The following ADGRL2 variants were observed in gnomAD, a reference collection of about 807,000 sequenced individuals.
The protein encoded by ADGRL2 is adhesion G protein-coupled receptor L2.
ADGRL2 carries 44 observed loss-of-function variants against 157.4 expected under a neutral mutation model. The observed-to-expected ratio is 0.28, with a 90% CI of 0.22 to 0.36. The LOEUF (loss-of-function observed/expected upper bound fraction) is 0.36, where lower values mean the gene tolerates loss of function less well. ADGRL2 is among the 10% of genes least tolerant of loss of function. The pLI, the probability that ADGRL2 is intolerant of heterozygous loss-of-function variation, is 1.00. For missense variants in ADGRL2, 1,510 were observed against 1,768.9 expected, an observed-to-expected ratio of 0.85 and a Z score of 2.63; for synonymous variants, 585 against 624.7, an observed-to-expected ratio of 0.94 and a Z score of 0.95.
In ADGRL2 at chr1:81,902,217, G is replaced by A. The variant is rs537615426; in HGVS notation, c.74-4800G>A. Among the ~76,000 whole-genome samples, 54 of 152,300 alleles carry A rather than the reference G, an allele frequency of 3.5e-4. 1 individual carries two copies. The South Asian group carries it at 0.011, about 30-fold the overall frequency. Reference sequence around the variant, plus strand: ...GTCTGGGTTAAGATAGGGGTTGTGAGGACCAGGGTTCTTATTATGCAGATG... The same window carrying A: ...GTCTGGGTTAAGATAGGGGTTGTGAAGACCAGGGTTCTTATTATGCAGATG... On this transcript the variant is annotated intron_variant, in intron 2 of 23. Transcript: ENST00000686636.
chr1:81,358,799 A>G (rs1010113471), intron 1 of ADGRL2, among the ~76,000 whole-genome samples: 12 of 152,184 alleles, frequency 7.9e-5, no homozygotes, highest in Non-Finnish European at 1.3e-4. Context: ...AAAGCAAGAT[A>G]GTAATTAATC....
At chr1:81,486,701 C>G (rs1361336179) in intron 2 of ADGRL2, among the ~76,000 whole-genome samples, 1 of 152,090 alleles carries the variant, frequency 6.6e-6, no homozygotes, top group Admixed American at 6.5e-5. Context: ...CCACCATGAC[C>G]TTTGTTCATT....
chr1:81,714,114 A>G (rs1373019867), intron 1 of ADGRL2, among the ~76,000 whole-genome samples: 2 of 152,174 alleles, frequency 1.3e-5, no homozygotes, highest in Non-Finnish European at 2.9e-5. Flanking sequence ...GCCTCCTCTG[A>G]TGATTCCATT....
At chr1:81,571,689 C>T (rs2148499207) in intron 2 of ADGRL2, among the ~76,000 whole-genome samples, 1 of 152,014 alleles carries the variant, frequency 6.6e-6, no homozygotes, top group South Asian at 2.1e-4. Context: ...CACATCAAAT[C>T]ATCACTCTAA....
intron 2 of ADGRL2, among the ~76,000 whole-genome samples, chr1:81,496,946 A>T (rs56744020): frequency 0.015 from 2,275 of 151,836 alleles, 32 homozygotes; most frequent in South Asian, 0.037. Flanking sequence ...CTACCTGATT[A>T]TTTTTTTTCT....
chr1:81,626,016 CG>C (rs1390295771), intron 3 of ADGRL2, among the ~76,000 whole-genome samples: 2 of 152,048 alleles, frequency 1.3e-5, no homozygotes, highest in Non-Finnish European at 2.9e-5. Context: ...ATTTTTCCTC[CG>C]CGACACAATA....
chr1:81,919,820 G>A (rs954881675), intron 3 of ADGRL2, among the ~76,000 whole-genome samples: 2 of 152,120 alleles, frequency 1.3e-5, no homozygotes, highest in African/African-American at 4.8e-5. Flanking sequence ...ATGTTAGATA[G>A]ATAAATAGTG....
At chr1:81,511,553 G>A (rs1190991283) in intron 2 of ADGRL2, among the ~76,000 whole-genome samples, 2 of 151,874 alleles carry the variant, frequency 1.3e-5, no homozygotes, top group Non-Finnish European at 2.9e-5. Flanking sequence ...AATAATTATA[G>A]GTAACTTGCA....
intron 1 of ADGRL2, among the ~76,000 whole-genome samples, chr1:81,436,310 G>A (rs2077408500): frequency 6.6e-6 from 1 of 152,042 alleles, no homozygotes; most frequent in Admixed American, 6.5e-5. Context: ...TGTTCTAGAG[G>A]GGACTTACAA....
At chr1:81,989,586 T>TA in intron 23 of ADGRL2, 1 of 1,304,804 alleles carries the variant, frequency 7.7e-7, no homozygotes, top group Non-Finnish European at 1.1e-6. Flanking sequence ...TTGCTCTGAC[T>TA]AAGTTGCTGA....
At chr1:81,400,405 A>C (rs1032266863) in intron 1 of ADGRL2, among the ~76,000 whole-genome samples, 2 of 152,074 alleles carry the variant, frequency 1.3e-5, no homozygotes, top group African/African-American at 4.8e-5. Context: ...CTGTGACTCT[A>C]AGGCACTGCC....
chr1:81,845,387 A>G (rs1304659160), intron 2 of ADGRL2, among the ~76,000 whole-genome samples: 1 of 152,002 alleles, frequency 6.6e-6, no homozygotes, highest in African/African-American at 2.4e-5. Context: ...TGTACTGGAG[A>G]TATAGACATC....
chr1:81,480,055 G>A (rs1394796257), intron 2 of ADGRL2, among the ~76,000 whole-genome samples: 1 of 152,140 alleles, frequency 6.6e-6, no homozygotes, highest in East Asian at 1.9e-4. Flanking sequence ...CATAGCTGAT[G>A]ATAGAAGAGG....
chr1:81,651,632 C>T (rs1233036336), intron 3 of ADGRL2, among the ~76,000 whole-genome samples: 1 of 152,130 alleles, frequency 6.6e-6, no homozygotes, highest in African/African-American at 2.4e-5. Context: ...ATCCTTTAGA[C>T]CTAGAGGAGG....
chr1:81,343,489 T>C (rs1308991935), intron 1 of ADGRL2, among the ~76,000 whole-genome samples: 5 of 152,216 alleles, frequency 3.3e-5, no homozygotes, highest in Non-Finnish European at 7.3e-5. Context: ...AATTCAGAAC[T>C]ATCATTTCCT....
chr1:81,620,151 A>G (rs2081758452), intron 3 of ADGRL2, among the ~76,000 whole-genome samples: 1 of 152,226 alleles, frequency 6.6e-6, no homozygotes, highest in African/African-American at 2.4e-5. Context: ...CCATAGAAGT[A>G]ACTCCCAACA....
chr1:81,501,876 G>A, intron 2 of ADGRL2: 1 of 1,603,790 alleles, frequency 6.2e-7, no homozygotes, highest in South Asian at 1.1e-5. Context: ...GAGAAGCAGG[G>A]CCAGCAGATG....
At chr1:81,926,567 A>G (rs998953996) in intron 3 of ADGRL2, among the ~76,000 whole-genome samples, 1 of 152,074 alleles carries the variant, frequency 6.6e-6, no homozygotes, top group South Asian at 2.1e-4. Flanking sequence ...GTTTTTATAA[A>G]TAATTGCTCT....
At chr1:81,314,038 G>A (rs1194121189) in intron 1 of ADGRL2, among the ~76,000 whole-genome samples, 6 of 152,290 alleles carry the variant, frequency 3.9e-5, no homozygotes, top group Middle Eastern at 3.4e-3. Flanking sequence ...AGATAAACAT[G>A]TATTAGGCAG....
Sources: allele counts gnomAD v4.1 joint callset (sites outside exome capture counted in the v4.1 genomes callset), GRCh38; gene constraint gnomAD v4.1.1; transcripts MANE v1.5; gene names NCBI Gene and HGNC (gene_info 2026-07-23, HGNC 2026-07-21).